The following FBXW10 variants were observed in gnomAD, a reference collection of about 807,000 sequenced individuals.
FBXW10 encodes the protein F-box and WD repeat domain containing 10.
FBXW10 carries 68 observed loss-of-function variants against 113.1 expected under a neutral mutation model. The observed-to-expected ratio is 0.60, with a 90% CI of 0.49 to 0.74. The LOEUF is 0.74. Among genes scored for constraint, FBXW10 ranks in the 30% least tolerant of loss-of-function variants. The pLI is 0.00. For missense variants in FBXW10, 753 were observed against 1,284.5 expected (o/e 0.59, Z 6.32); for synonymous variants, 289 against 481.6 (o/e 0.60, Z 5.24).
At chr17:18,750,852 C>A in intron 4 of FBXW10, 79 bp from the exon 5 acceptor site, 2 of 1,499,640 alleles carry the variant, frequency 1.3e-6, no homozygotes, top group Non-Finnish European at 1.8e-6. Flanking sequence ...CTAGTTTTTC[C>A]CTTCCTCCTG....
At chr17:18,771,777 G>A (rs371478371) in intron 11 of FBXW10, among the ~76,000 whole-genome samples, 1 of 152,106 alleles carries the variant, frequency 6.6e-6, no homozygotes. Flanking sequence ...CCCTAGGTAC[G>A]TGGCACTCAC....
At chr17:18,751,150 G>C (rs1160187667) in intron 5 of FBXW10, 97 bp downstream of exon 5, 5 of 1,522,272 alleles carry the variant, frequency 3.3e-6, no homozygotes, top group Non-Finnish European at 4.5e-6. Context: ...AGTGAGGACA[G>C]AGGATCACGG....
chr17:18,744,763 C>G lies in FBXW10; in HGVS notation c.505+14C>G. The G allele has an allele frequency of 6.2e-7, 1 of 1,610,640 alleles. No homozygotes were observed. On this transcript the variant is annotated intron_variant, in intron 1 of 13. Coordinates refer to ENST00000395665, the MANE Select transcript of FBXW10 (RefSeq NM_001267585.2). ...ACAATATCTCAGGTAAACAAGGCCA[C>G]AGGCAGAGACTAGAGGGCCCCCGAA...
At chr17:18,755,549 C>T (rs1424085682) in intron 5 of FBXW10, among the ~76,000 whole-genome samples, 4 of 56,872 alleles carry the variant, frequency 7.0e-5, no homozygotes, top group Admixed American at 4.5e-4. Context: ...AGCGAGACTC[C>T]GTCTGAAAAA....
intron 7 of FBXW10, 87 bp downstream of exon 7, chr17:18,758,592 A>G: frequency 6.6e-7 from 1 of 1,507,458 alleles, no homozygotes; most frequent in Non-Finnish European, 8.9e-7. Flanking sequence ...TCTTCTTTTT[A>G]TATTTAACAG....
chr17:18,756,899 G>A (rs1353986170), intron 6 of FBXW10, among the ~76,000 whole-genome samples: 1 of 152,130 alleles, frequency 6.6e-6, no homozygotes, highest in Non-Finnish European at 1.5e-5. Flanking sequence ...TCGGTATGGG[G>A]AAGACAGAAC....
intron 13 of FBXW10, among the ~76,000 whole-genome samples, chr17:18,775,840 C>A (rs2035688080): frequency 6.6e-6 from 1 of 151,984 alleles, no homozygotes; most frequent in African/African-American, 2.4e-5. Context: ...CCAGCCTGGG[C>A]CACTTAGCAA....
At position 18,747,987 on chromosome 17, in the gene FBXW10, C is replaced by T. The variant is rs544592101; in HGVS notation, c.552C>T (p.Asp184=). The change falls in exon 2 of 14, where the codon GAC becomes GAT. Residue 184 remains aspartate (D), a synonymous_variant. Transcript: ENST00000395665. ...ITDVCFSPEK[D]HSSKSATSQV... is the part of the protein sequence containing the mutation. ...ATGTGTGTTTTTCCCCTGAGAAAGA[C>T]CACAGCTCCAAGTCTGCGACCTCAC... is the stretch of plus-strand genomic sequence containing the variant. 3.7e-6 allele frequency: 6 copies of T among 1,613,886 alleles called. No individual in the cohort carries two copies. In the East Asian group the frequency reaches 1.1e-4, roughly 30 times the overall value.
intron 5 of FBXW10, among the ~76,000 whole-genome samples, chr17:18,753,822 C>T (rs1365126017): frequency 6.6e-6 from 1 of 151,232 alleles, no homozygotes; most frequent in East Asian, 1.9e-4. Flanking sequence ...TGTAGTGAGC[C>T]GAGATCACGC....
At chr17:18,776,160 A>C (rs2035694547) in intron 13 of FBXW10, among the ~76,000 whole-genome samples, 1 of 152,054 alleles carries the variant, frequency 6.6e-6, no homozygotes, top group East Asian at 1.9e-4. Flanking sequence ...CTCTACTAAA[A>C]GTATAAAAAA....
intron 13 of FBXW10, among the ~76,000 whole-genome samples, chr17:18,777,064 T>TG (rs2035714091): frequency 8.2e-6 from 1 of 122,622 alleles, no homozygotes; most frequent in Non-Finnish European, 1.8e-5. Flanking sequence ...TTCACTCAGT[T>TG]TTTTTTTTTT....
chr17:18,768,055 T>TTCCTTCCTTCCTTCCTTCCTTCCTTCC (rs1244201725), intron 9 of FBXW10, among the ~76,000 whole-genome samples: 6 of 68,842 alleles, frequency 8.7e-5, no homozygotes, highest in South Asian at 4.0e-4. Flanking sequence ...TCCTTCCTTC[T>TTCCTTCCTTCCTTCCTTCCTTCCTTCC]TTCTTTCTTT....
chr17:18,762,444 A>G (rs1028885170), intron 7 of FBXW10, among the ~76,000 whole-genome samples: 3 of 150,684 alleles, frequency 2.0e-5, no homozygotes, highest in African/African-American at 7.3e-5. Flanking sequence ...CAGCCTCCCG[A>G]GTAGCTGGGA....
intron 13 of FBXW10, among the ~76,000 whole-genome samples, chr17:18,776,253 G>A (rs1281799324): frequency 6.6e-6 from 1 of 151,974 alleles, no homozygotes; most frequent in African/African-American, 2.4e-5. Flanking sequence ...CCAGAGAGGG[G>A]TGGGGGTTGC....
chr17:18,777,244 A>G (rs575893123), intron 13 of FBXW10, among the ~76,000 whole-genome samples: 1 of 151,676 alleles, frequency 6.6e-6, no homozygotes, highest in South Asian at 2.1e-4. Context: ...TTGTATTTTT[A>G]GTACAGACGG....
chr17:18,747,794 G>A (rs2035067447), intron 1 of FBXW10, 147 bp from the exon 2 acceptor site: 25 of 1,302,074 alleles, frequency 1.9e-5, no homozygotes, highest in Non-Finnish European at 2.3e-5. Flanking sequence ...AAGTTTGGAG[G>A]CCCCAAATAA....
intron 1 of FBXW10, 138 bp downstream of exon 1, chr17:18,744,887 T>G: frequency 6.7e-7 from 1 of 1,485,828 alleles, no homozygotes; most frequent in Admixed American, 2.5e-5. Context: ...TTTTTTGAAC[T>G]GACACCTTGT....
At chr17:18,776,617 G>A (rs547019797) in intron 13 of FBXW10, among the ~76,000 whole-genome samples, 1 of 152,312 alleles carries the variant, frequency 6.6e-6, no homozygotes, top group Non-Finnish European at 1.5e-5. Flanking sequence ...AAGGATAAGT[G>A]CATTCAAAAA....
At position 18,772,601 on chromosome 17, in the gene FBXW10, T is replaced by A. The variant is rs774459802; in HGVS notation, c.2196T>A (p.Ser732Arg). 3 of 1,613,826 alleles carry A rather than the reference T, an allele frequency of 1.9e-6. No homozygotes were observed. The highest frequency in any genetic ancestry group is 1.3e-5 in the African/African-American group (1 of 74,932). ...ACAGCCCAAGAGAGTCTGTATCCAG[T>A]AAACAAACTGTGATCCAAGAGCTCC... ...QVHSPRESVS[S>R]KQTVIQELLP... The change falls in exon 12 of 14, where the codon AGT (serine) becomes AGA (arginine). Residue 732 changes from serine (S) to arginine (R), a missense_variant. Coordinates refer to ENST00000395665, the MANE Select transcript of FBXW10 (RefSeq NM_001267585.2).
Sources: gnomAD v4.1 joint callset for allele counts (sites outside exome capture counted in the v4.1 genomes callset) on GRCh38, gnomAD v4.1.1 for gene constraint, MANE v1.5 for transcripts, NCBI Gene and HGNC (gene_info 2026-07-23, HGNC 2026-07-21) for gene names.